Variants in GRM1 observed in about 807,000 individuals in gnomAD.
The protein encoded by GRM1 is glutamate metabotropic receptor 1, also known as metabotropic glutamate receptor 1.
A neutral mutation model predicts 90.9 loss-of-function variants in GRM1; 33 were observed. The ratio of observed to expected loss-of-function variants is 0.36; its 90% CI spans 0.28 to 0.49. The LOEUF (loss-of-function observed/expected upper bound fraction) is 0.49. Ranked by LOEUF, GRM1 falls within the 20% of genes least tolerant of loss-of-function variation. The probability of loss-of-function intolerance (pLI) is 0.99; values close to 1 mark genes in which losing one functional copy is unlikely to be tolerated. For synonymous variants in GRM1, 700 were observed against 613.2 expected (o/e 1.14, Z -2.09); for missense variants, 1,190 against 1,534.3 (o/e 0.78, Z 3.75).
At chr6:146,257,297 C>T (rs763881112) in intron 2 of GRM1, among the ~76,000 whole-genome samples, 2 of 151,986 alleles carry the variant, frequency 1.3e-5, no homozygotes, top group Non-Finnish European at 2.9e-5. Flanking sequence ...GAAATACAGC[C>T]TCTTGTTTTT....
chr6:146,211,662 C>A (rs528232655), intron 2 of GRM1, among the ~76,000 whole-genome samples: 1 of 152,260 alleles, frequency 6.6e-6, no homozygotes, highest in African/African-American at 2.4e-5. Context: ...TTACATCTTT[C>A]AAAAATCCAT....
intron 2 of GRM1, among the ~76,000 whole-genome samples, chr6:146,162,415 A>G (rs6937564): frequency 1 from 151,619 of 152,304 alleles, 75,470 homozygotes; most frequent in East Asian, 1. Flanking sequence ...ACTCGTCTTG[A>G]CACTACCATC....
intron 2 of GRM1, among the ~76,000 whole-genome samples, chr6:146,242,687 A>G (rs1009790928): frequency 4.6e-5 from 7 of 152,144 alleles, no homozygotes; most frequent in African/African-American, 1.7e-4. Flanking sequence ...GGGAAAATAC[A>G]GAAAATGAAC....
intron 1 of GRM1, among the ~76,000 whole-genome samples, chr6:146,128,106 C>A (rs781505832): frequency 3.9e-5 from 6 of 152,072 alleles, no homozygotes; most frequent in Admixed American, 6.6e-5. Flanking sequence ...GGGCAAGTAT[C>A]CCTAGGTGTA....
At chr6:146,216,945 A>G (rs1779892242) in intron 2 of GRM1, among the ~76,000 whole-genome samples, 1 of 152,156 alleles carries the variant, frequency 6.6e-6, no homozygotes, top group South Asian at 2.1e-4. Flanking sequence ...GAAAAGCTAG[A>G]GACAATTTGG....
intron 1 of GRM1, among the ~76,000 whole-genome samples, chr6:146,064,758 T>C (rs1420691033): frequency 6.7e-6 from 1 of 148,538 alleles, no homozygotes; most frequent in Non-Finnish European, 1.5e-5. Flanking sequence ...GCCACTGCAC[T>C]CCAGCCTGGG....
intron 5 of GRM1, among the ~76,000 whole-genome samples, chr6:146,385,321 A>G (rs1398589018): frequency 2.0e-5 from 3 of 152,052 alleles, no homozygotes; most frequent in South Asian, 4.1e-4. Flanking sequence ...GAAAGAAGTA[A>G]CATCTTCAAA....
At chr6:146,252,407 G>A (rs1461665244) in intron 2 of GRM1, among the ~76,000 whole-genome samples, 1 of 152,136 alleles carries the variant, frequency 6.6e-6, no homozygotes, top group African/African-American at 2.4e-5. Flanking sequence ...GGAGGTCAAG[G>A]CGGGTGGATC....
chr6:146,367,507 T>C (rs1180720966), intron 5 of GRM1, among the ~76,000 whole-genome samples: 1 of 152,114 alleles, frequency 6.6e-6, no homozygotes, highest in Non-Finnish European at 1.5e-5. Flanking sequence ...AGGTTTGGTG[T>C]AGGGATGATC....
rs1352547516 is a variant in GRM1, at chr6:146,410,804, A to C, written c.2660+11105A>C. Among the ~76,000 whole-genome samples the C allele has an allele frequency of 5.3e-5, 8 of 152,212 alleles. No homozygotes were observed. The East Asian group carries it at 1.5e-3, about 29-fold the overall frequency. On this transcript the variant is annotated intron_variant, in intron 7 of 7. Transcript: ENST00000282753. ...GCTTATTAGGAAAATGAAGAAAAAA[A>C]TAAAAGGTTTCAGTAGGGTTGGTAT...
At chr6:146,072,057 C>T (rs758997301) in intron 1 of GRM1, among the ~76,000 whole-genome samples, 1 of 152,096 alleles carries the variant, frequency 6.6e-6, no homozygotes, top group African/African-American at 2.4e-5. Flanking sequence ...ATAGATTAGG[C>T]CAATCTGTCT....
intron 2 of GRM1, among the ~76,000 whole-genome samples, chr6:146,282,054 A>G (rs1009812321): frequency 2.0e-5 from 3 of 152,200 alleles, no homozygotes; most frequent in African/African-American, 7.2e-5. Context: ...ACAAGAAATC[A>G]AATTTAGGAA....
At chr6:146,188,610 A>T (rs1229612689) in intron 2 of GRM1, among the ~76,000 whole-genome samples, 1 of 152,224 alleles carries the variant, frequency 6.6e-6, no homozygotes. Flanking sequence ...ATGCCCAATT[A>T]TTAAGTAATG....
chr6:146,229,315 G>C (rs903799655), intron 2 of GRM1, among the ~76,000 whole-genome samples: 2 of 150,956 alleles, frequency 1.3e-5, no homozygotes, highest in African/African-American at 4.9e-5. Flanking sequence ...GTGTTGCACA[G>C]GTTAACTTCT....
Position 146,357,238 on chromosome 6 carries a change from T to A in GRM1, c.1434-288T>A, listed in dbSNP as rs362889. ...TTAATAAACCATAATTGGAAGGACA[T>A]GATCAACTTAGCAAACATAGCATTA... is the stretch of plus-strand genomic sequence containing the variant. On this transcript the variant is annotated intron_variant, in intron 4 of 7. Coordinates refer to ENST00000282753, the MANE Select transcript of GRM1 (RefSeq NM_001278064.2). Among the ~76,000 whole-genome samples the A allele has an allele frequency of 7.4e-3, 1,132 of 152,282 alleles. 12 individuals carry two copies. The highest frequency in any genetic ancestry group is 0.031 in the Middle Eastern group (9 of 294).
chr6:146,221,235 A>G (rs1780050158), intron 2 of GRM1, among the ~76,000 whole-genome samples: 1 of 152,182 alleles, frequency 6.6e-6, no homozygotes, highest in Non-Finnish European at 1.5e-5. Flanking sequence ...ATACATGTGC[A>G]GAACGTGCAG....
intron 5 of GRM1, among the ~76,000 whole-genome samples, chr6:146,386,278 A>C (rs1776498431): frequency 6.6e-6 from 1 of 152,092 alleles, no homozygotes; most frequent in South Asian, 2.1e-4. Context: ...GCTCTCCAGT[A>C]ATTTTGAACT....
In GRM1 at chr6:146,221,889, T is replaced by A. The variant is rs140667303; in HGVS notation, c.950+62292T>A. On this transcript the variant is annotated intron_variant, in intron 2 of 7. Transcript: ENST00000282753. Reference sequence around the variant, plus strand: ...ACTTACAGACATTGAAATTTGTATTTCATATAATTTTTATGTTCCACAAAA... The same window carrying A: ...ACTTACAGACATTGAAATTTGTATTACATATAATTTTTATGTTCCACAAAA... 8.8e-3 allele frequency among the ~76,000 whole-genome samples: 1,346 copies of A among 152,288 alleles called. 20 individuals carry two copies. The highest frequency in any genetic ancestry group is 0.03 in the African/African-American group (1,241 of 41,570).
At chr6:146,052,101 C>G (rs1775312653) in intron 1 of GRM1, among the ~76,000 whole-genome samples, 1 of 151,968 alleles carries the variant, frequency 6.6e-6, no homozygotes, top group Non-Finnish European at 1.5e-5. Flanking sequence ...ATTGACATTA[C>G]AAAGTAGGAT....
Sources: gnomAD v4.1 joint callset for allele counts (sites outside exome capture counted in the v4.1 genomes callset) on GRCh38, gnomAD v4.1.1 for gene constraint, MANE v1.5 for transcripts, NCBI Gene and HGNC (gene_info 2026-07-23, HGNC 2026-07-21) for gene names.